POMT2: variants seen among roughly 807,000 people sequenced by gnomAD.
POMT2 encodes protein O-mannosyltransferase 2.
In POMT2, 75 loss-of-function variants were observed where a neutral mutation model predicts 100.0. The ratio of observed to expected loss-of-function variants is 0.75; its 90% CI spans 0.62 to 0.91. The LOEUF (loss-of-function observed/expected upper bound fraction) is 0.91. Ranked by LOEUF, POMT2 falls within the 40% of genes least tolerant of loss-of-function variation. The pLI is 0.00. For missense variants in POMT2, 940 were observed against 955.1 expected, an observed-to-expected ratio of 0.98 and a Z score of 0.21; for synonymous variants, 378 against 374.1, an observed-to-expected ratio of 1.01 and a Z score of -0.12.
intron 2 of POMT2, 42 bp from the exon 3 acceptor site, chr14:77,306,483 G>A: frequency 1.2e-6 from 2 of 1,605,370 alleles, no homozygotes; most frequent in Non-Finnish European, 1.7e-6. Flanking sequence ...AAGCCTTTGG[G>A]AGAAGATTCC....
At position 77,306,414 on chromosome 14, in the gene POMT2, T is replaced by C. The variant is rs1294153626; in HGVS notation, c.361A>G (p.Ser121Gly). The change falls in exon 3 of 21, where the codon AGT becomes GGT. Residue 121 changes from serine (S) to glycine (G), a missense_variant. Ser to Gly is a moderately conservative substitution (Grantham distance 56). Coordinates refer to ENST00000261534, the MANE Select transcript of POMT2 (RefSeq NM_013382.7). ...KMLIGLAGYL[S>G]GYDGTFLFQK... ...AACAAAAAGGTACCATCATATCCAC[T>C]CAGGTAGCCAGCAAGACCTATCAGC... is the stretch of plus-strand genomic sequence containing the variant. 1.2e-6 allele frequency: 2 copies of C among 1,612,858 alleles called. No homozygotes were observed. Among genetic ancestry groups the C allele is most frequent in the Non-Finnish European group, 8.5e-7 (1 of 1,178,998 alleles).
chr14:77,301,344 G>A (rs550833030), intron 5 of POMT2, 95 bp from the exon 6 acceptor site: 2 of 1,501,558 alleles, frequency 1.3e-6, no homozygotes, highest in Non-Finnish European at 1.8e-6. Context: ...ACTTGGAGCG[G>A]CTGTGCTGTG....
intron 1 of POMT2, among the ~76,000 whole-genome samples, chr14:77,317,068 G>A (rs745442994): frequency 2.6e-5 from 4 of 151,910 alleles, no homozygotes; most frequent in African/African-American, 2.4e-5. Flanking sequence ...TCATGCAACC[G>A]GTGTGGAAAC....
intron 1 of POMT2, among the ~76,000 whole-genome samples, chr14:77,317,966 G>A (rs1891689987): frequency 6.6e-6 from 1 of 152,206 alleles, no homozygotes; most frequent in Admixed American, 6.5e-5. Flanking sequence ...CATGTGTCAA[G>A]GTAGAAGACA....
chr14:77,288,920 T>C, intron 10 of POMT2, 89 bp from the exon 11 acceptor site: 1 of 1,108,138 alleles, frequency 9.0e-7, no homozygotes, highest in South Asian at 1.3e-5. Context: ...TATAGTACCA[T>C]GTGGTATCTG....
chr14:77,285,427 A>G, intron 13 of POMT2, 54 bp downstream of exon 13: 1 of 1,608,066 alleles, frequency 6.2e-7, no homozygotes, highest in Non-Finnish European at 8.5e-7. Flanking sequence ...CTCCTTGTAG[A>G]GTGAAAGGAA....
At chr14:77,304,934 A>C (rs946092409) in intron 3 of POMT2, 134 bp from the exon 4 acceptor site, 1 of 1,450,884 alleles carries the variant, frequency 6.9e-7, no homozygotes. Flanking sequence ...GTCACCTAGG[A>C]TATCTATAAC....
At chr14:77,291,808 G>A (rs542428848) in intron 9 of POMT2, among the ~76,000 whole-genome samples, 13 of 152,264 alleles carry the variant, frequency 8.5e-5, no homozygotes, top group African/African-American at 3.1e-4. Flanking sequence ...CAGAGTGGGC[G>A]GATCACCTGA....
At chr14:77,295,341 G>A (rs1890785412) in intron 9 of POMT2, among the ~76,000 whole-genome samples, 2 of 152,158 alleles carry the variant, frequency 1.3e-5, no homozygotes, top group Admixed American at 1.3e-4. Flanking sequence ...AACTTAAAGA[G>A]GAGGATACAG....
At chr14:77,313,880 G>A (rs567268168) in intron 1 of POMT2, among the ~76,000 whole-genome samples, 2 of 152,162 alleles carry the variant, frequency 1.3e-5, no homozygotes, top group East Asian at 1.9e-4. Context: ...GCTAATTTTT[G>A]TATTTTTAGT....
At chr14:77,300,273 T>C (rs908551977) in intron 6 of POMT2, 1 of 156,448 alleles carries the variant, frequency 6.4e-6, no homozygotes. Context: ...CCTAACCTGG[T>C]TGTGACTCCT....
At chr14:77,310,606 C>T (rs1377556678) in intron 2 of POMT2, among the ~76,000 whole-genome samples, 2 of 152,072 alleles carry the variant, frequency 1.3e-5, no homozygotes, top group African/African-American at 4.8e-5. Context: ...TCCTTAAGCC[C>T]AACCATAGGT....
chr14:77,315,536 A>G lies in POMT2; in HGVS notation c.249-3503T>C, dbSNP rs184232883. Among the ~76,000 whole-genome samples the G allele has an allele frequency of 8.5e-5, 13 of 152,364 alleles. No homozygotes were observed. In the East Asian group the frequency reaches 2.1e-3, roughly 25 times the overall value. On this transcript the variant is annotated intron_variant, in intron 1 of 20. Coordinates refer to ENST00000261534, the MANE Select transcript of POMT2 (RefSeq NM_013382.7). The stretch of plus-strand genomic sequence containing the variant: ...AGGCAGAGCTCTTTGGGCCTCTTCA[A>G]TGTACTATTCCTGTGGCTTCCAGTG...
chr14:77,279,820 G>C lies in POMT2; in HGVS notation c.1891+3C>G. 1 of 1,612,608 alleles carries C rather than the reference G, an allele frequency of 6.2e-7. No homozygotes were observed. Among genetic ancestry groups the C allele is most frequent in the South Asian group, 1.1e-5 (1 of 90,886 alleles). The stretch of plus-strand genomic sequence containing the variant: ...AGGGGAGGGAGAGCCCAGAGGACCT[G>C]ACCTGCAACCTCCGCTGGCAGCCGT... On this transcript the variant is annotated splice_donor_region_variant and intron_variant, in intron 18 of 20. Transcript: ENST00000261534.
chr14:77,277,275 G>A lies in POMT2; in HGVS notation c.*101C>T, dbSNP rs558868901. ...CCTGGTGAGCAGCAGAATTCTTCGG[G>A]CTCCTTAGGCAGCTTCCTCATGGCC... On this transcript the variant is annotated 3_prime_UTR_variant, in exon 21 of 21. Coordinates refer to ENST00000261534, the MANE Select transcript of POMT2 (RefSeq NM_013382.7). 9.9e-7 allele frequency: 1 copy of A among 1,007,594 alleles called. No individual in the cohort carries two copies. The highest frequency in any genetic ancestry group is 2.5e-5 in the East Asian group (1 of 39,480). The allele number at this position is 1,007,594 out of a possible 1,614,324, so 62.4% of individuals were successfully genotyped here. A position where few individuals can be genotyped will look rare whatever the true frequency, so the allele number is the denominator to read the frequency against.
rs1890076962 is a variant in POMT2, at chr14:77,278,644, A to G, written c.2032+85T>C. The G allele has an allele frequency of 3.8e-6, 6 of 1,570,466 alleles. No individual in the cohort carries two copies. In the African/African-American group the frequency reaches 4.1e-5, roughly 11 times the overall value. ...GCCCCACAGTGGCCTCCCGTCAAGG[A>G]GCAGAGTCACTCCCAGCACTGCTGC... On this transcript the variant is annotated intron_variant, in intron 19 of 20. Transcript: ENST00000261534.
rs115761455 is a variant in POMT2, at chr14:77,285,209, G to A, written c.1485-168C>T. ...CTATCCTAGGATAGTCTAGCATACA[G>A]TATTCCCATTTTAGAAAAAGACATA... On this transcript the variant is annotated intron_variant, in intron 13 of 20. Transcript: ENST00000261534. The A allele has an allele frequency of 2.5e-3, 1,795 of 731,530 alleles. 13 individuals are homozygous for A. Among genetic ancestry groups the A allele is most frequent in the African/African-American group, 0.019 (1,056 of 56,286 alleles). 45.3% of individuals were successfully genotyped at this position (731,530 alleles called of 1,614,324 possible).
chr14:77,289,206 C>T (rs1890553858), intron 10 of POMT2, among the ~76,000 whole-genome samples: 1 of 151,918 alleles, frequency 6.6e-6, no homozygotes, highest in Admixed American at 6.6e-5. Flanking sequence ...GCCTGGCCAA[C>T]ATGGTGAAAC....
At chr14:77,302,736 A>G (rs1365317309) in intron 5 of POMT2, 99 bp downstream of exon 5, 2 of 931,860 alleles carry the variant, frequency 2.1e-6, no homozygotes, top group East Asian at 2.6e-5. Context: ...ATCAGCTTCA[A>G]GACAAGTCTC....
Sources: allele counts gnomAD v4.1 joint callset (sites outside exome capture counted in the v4.1 genomes callset), GRCh38; gene constraint gnomAD v4.1.1; transcripts MANE v1.5; gene names NCBI Gene and HGNC (gene_info 2026-07-23, HGNC 2026-07-21).